Variants in PIK3R3 observed in about 807,000 individuals in gnomAD.
The protein encoded by PIK3R3 is phosphatidylinositol 3-kinase regulatory subunit gamma.
Under a neutral mutation model 62.9 loss-of-function variants are expected in PIK3R3, and 64 were observed. The observed-to-expected ratio is 1.02, with a 90% CI of 0.83 to 1.25. The LOEUF (loss-of-function observed/expected upper bound fraction) is 1.25, where lower values mean the gene tolerates loss of function less well. Ranked by LOEUF, PIK3R3 falls within the 50% of genes most tolerant of loss-of-function variation. The pLI, the probability that PIK3R3 is intolerant of heterozygous loss-of-function variation, is 0.00. For synonymous variants in PIK3R3, 165 were observed against 189.0 expected (o/e 0.87, Z 1.04); for missense variants, 614 against 561.6 (o/e 1.09, Z -0.94).
chr1:46,124,454 C>T (rs1021737827), intron 1 of PIK3R3, among the ~76,000 whole-genome samples: 12 of 152,156 alleles, frequency 7.9e-5, no homozygotes, highest in Non-Finnish European at 1.8e-4. Context: ...TTAAATATGG[C>T]AATCATAAAC....
chr1:46,058,409 C>A (rs535624349), intron 6 of PIK3R3, among the ~76,000 whole-genome samples: 106 of 152,318 alleles, frequency 7.0e-4, no homozygotes, highest in African/African-American at 2.5e-3. Flanking sequence ...TCCTCCAGAC[C>A]CCAGAATTGT....
intron 1 of PIK3R3, among the ~76,000 whole-genome samples, chr1:46,097,616 G>C (rs1361131963): frequency 1.3e-5 from 2 of 149,746 alleles, no homozygotes; most frequent in South Asian, 2.1e-4. Context: ...GGCTGGGCGT[G>C]GTGGCTCATA....
the PIK3R3 span, chr1:46,138,863 CCAGGGTA>C: frequency 6.6e-6 from 1 of 152,174 alleles, no homozygotes; most frequent in Non-Finnish European, 1.5e-5. Flanking sequence ...TGATTTTCTT[CCAGGGTA>C]GAGGCTACCT....
chr1:46,122,293 T>C (rs955608233), intron 1 of PIK3R3, among the ~76,000 whole-genome samples: 2 of 152,154 alleles, frequency 1.3e-5, no homozygotes, highest in Non-Finnish European at 2.9e-5. Flanking sequence ...AGTGGTATAA[T>C]AACACACTGG....
At chr1:46,172,580 C>T in the PIK3R3 span, among the ~76,000 whole-genome samples, 1 of 152,162 alleles carries the variant, frequency 6.6e-6, no homozygotes, top group Non-Finnish European at 1.5e-5. Flanking sequence ...GTACCAGCTA[C>T]TTGTGGGACT....
intron 3 of PIK3R3, among the ~76,000 whole-genome samples, chr1:46,074,404 T>C (rs1047304133): frequency 2.7e-5 from 4 of 149,826 alleles, no homozygotes; most frequent in African/African-American, 9.8e-5. Flanking sequence ...TTCCCATACA[T>C]ATTTTCCAGA....
At chr1:46,149,806 C>T in the PIK3R3 span, among the ~76,000 whole-genome samples, 4 of 152,192 alleles carry the variant, frequency 2.6e-5, no homozygotes, top group Non-Finnish European at 5.9e-5. Context: ...GCTGGGATTA[C>T]AGGCCTAAGC....
chr1:46,146,536 G>T, the PIK3R3 span, among the ~76,000 whole-genome samples: 1 of 152,122 alleles, frequency 6.6e-6, no homozygotes. Context: ...AAATGGGAAA[G>T]GTGTTCAGAT....
At position 46,077,503 on chromosome 1, in the gene PIK3R3, A is replaced by G. The variant is rs753256511; in HGVS notation, c.314+12T>C. ...CAGTAGAGAACTAGCCAAAAGACTG[A>G]AAAGTACTTACCGCAAAGTCAAAGT... On this transcript the variant is annotated intron_variant, in intron 3 of 9. Transcript: ENST00000262741. 1.3e-5 allele frequency: 20 copies of G among 1,510,218 alleles called. No individual in the cohort carries two copies. Among genetic ancestry groups the G allele is most frequent in the Non-Finnish European group, 1.7e-5 (18 of 1,085,448 alleles). The allele number at this position is 1,510,218 out of a possible 1,614,324, so 93.6% of individuals were successfully genotyped here.
chr1:46,082,471 G>A (rs113379976), intron 1 of PIK3R3, among the ~76,000 whole-genome samples: 1 of 152,186 alleles, frequency 6.6e-6, no homozygotes, highest in African/African-American at 2.4e-5. Context: ...GCGACAATGG[G>A]CAAAACTTGA....
At chr1:46,118,438 G>A (rs946448969) in intron 1 of PIK3R3, among the ~76,000 whole-genome samples, 6 of 151,744 alleles carry the variant, frequency 4.0e-5, no homozygotes, top group East Asian at 3.9e-4. Flanking sequence ...GTACATCACT[G>A]TTCAATACAC....
chr1:46,132,600 G>T lies in PIK3R3; in HGVS notation c.-648C>A. 2 of 1,289,050 alleles carry T rather than the reference G, an allele frequency of 1.6e-6. No homozygotes were observed. Among genetic ancestry groups the T allele is most frequent in the Non-Finnish European group, 2.0e-6 (2 of 988,502 alleles). The allele number at this position is 1,289,050 out of a possible 1,614,324, so 79.9% of individuals were successfully genotyped here. ...CCCGCCGGGGTGTAAGAACCAACCC[G>T]ACCGCACCAACTGCCCTCAAGCTCT... On this transcript the variant is annotated 5_prime_UTR_variant, in exon 1 of 10. Transcript: ENST00000262741.
chr1:46,115,106 G>A (rs144602086), intron 1 of PIK3R3, among the ~76,000 whole-genome samples: 8 of 152,204 alleles, frequency 5.3e-5, no homozygotes, highest in Admixed American at 3.9e-4. Flanking sequence ...CTCCAGGAAT[G>A]AGGAAACATA....
chr1:46,111,806 A>G (rs1653769653), intron 1 of PIK3R3, among the ~76,000 whole-genome samples: 1 of 152,160 alleles, frequency 6.6e-6, no homozygotes, highest in African/African-American at 2.4e-5. Context: ...GTGGTTAAGT[A>G]GCTGTTCAAT....
In PIK3R3 at chr1:46,055,539, C is replaced by T. The variant is rs528225833; in HGVS notation, c.941+256G>A. ...GTTAAGATATAGCATTTTACTCATGCCACAGCCAGCCTCTGAGATTTCCAA... is the reference window on the plus strand; with the variant it reads ...GTTAAGATATAGCATTTTACTCATGTCACAGCCAGCCTCTGAGATTTCCAA... On this transcript the variant is annotated intron_variant, in intron 7 of 9. Coordinates refer to ENST00000262741, the MANE Select transcript of PIK3R3 (RefSeq NM_003629.4). Among the ~76,000 whole-genome samples, 3 of 152,272 alleles carry T rather than the reference C, an allele frequency of 2.0e-5. No individual in the cohort carries two copies. In the East Asian group the frequency reaches 5.8e-4, roughly 29 times the overall value.
At chr1:46,066,721 G>A (rs772181303) in intron 4 of PIK3R3, among the ~76,000 whole-genome samples, 190 bp downstream of exon 4, 4 of 152,074 alleles carry the variant, frequency 2.6e-5, no homozygotes, top group Non-Finnish European at 4.4e-5. Flanking sequence ...AGCCCAGAAG[G>A]TCAAGACTGC....
the PIK3R3 span, among the ~76,000 whole-genome samples, chr1:46,146,000 A>G: frequency 6.6e-6 from 1 of 152,352 alleles, no homozygotes; most frequent in South Asian, 2.1e-4. Flanking sequence ...TTCTCATCCT[A>G]TGAAGAGAGG....
At chr1:46,131,786 A>T in intron 1 of PIK3R3, 61 bp downstream of exon 1, 1 of 1,513,392 alleles carries the variant, frequency 6.6e-7, no homozygotes, top group Non-Finnish European at 9.2e-7. Flanking sequence ...AACATCAGCA[A>T]GCTCTTGGTA....
chr1:46,095,059 A>C (rs1044193382), intron 1 of PIK3R3, among the ~76,000 whole-genome samples: 4 of 152,234 alleles, frequency 2.6e-5, no homozygotes, highest in African/African-American at 9.6e-5. Flanking sequence ...TTACTTCAAC[A>C]ACTAGAGTGT....
Sources: allele counts gnomAD v4.1 joint callset (sites outside exome capture counted in the v4.1 genomes callset), GRCh38; gene constraint gnomAD v4.1.1; transcripts MANE v1.5; gene names NCBI Gene and HGNC (gene_info 2026-07-23, HGNC 2026-07-21).